Variants in SEMA5B observed in about 807,000 individuals in gnomAD.
SEMA5B encodes the protein semaphorin 5B, also known as semaphorin-5B.
Under a neutral mutation model 135.0 loss-of-function variants are expected in SEMA5B, and 66 were observed. The observed-to-expected ratio is 0.49, with a 90% confidence interval of 0.40 to 0.60. The LOEUF is 0.60. SEMA5B is among the 20% of genes least tolerant of loss of function. The pLI is 0.00. For synonymous variants in SEMA5B, 690 were observed against 639.5 expected (o/e 1.08, Z -1.19); for missense variants, 1,501 against 1,566.3 (o/e 0.96, Z 0.70).
intron 1 of SEMA5B, among the ~76,000 whole-genome samples, chr3:122,966,894 T>TATC (rs1940870308): frequency 6.9e-6 from 1 of 145,440 alleles, no homozygotes; most frequent in Non-Finnish European, 1.5e-5. Context: ...TTATTATTAT[T>TATC]ATTATTAGAG....
chr3:122,978,410 G>A (rs1197310718), intron 1 of SEMA5B, among the ~76,000 whole-genome samples: 2 of 152,218 alleles, frequency 1.3e-5, no homozygotes, highest in Admixed American at 1.3e-4. Flanking sequence ...GACCCGTGCA[G>A]CATCCCAAAC....
intron 1 of SEMA5B, among the ~76,000 whole-genome samples, chr3:123,000,831 C>T (rs989443038): frequency 2.0e-5 from 3 of 152,198 alleles, no homozygotes; most frequent in East Asian, 3.9e-4. Flanking sequence ...TAGGGTACCC[C>T]AGTCACCTGG....
intron 5 of SEMA5B, among the ~76,000 whole-genome samples, chr3:122,930,251 T>G (rs1938898878): frequency 6.6e-6 from 1 of 152,226 alleles, no homozygotes; most frequent in Admixed American, 6.5e-5. Context: ...GCCCTGGTGA[T>G]GGCTGCTTTG....
At chr3:122,965,370 A>G (rs1015747758) in intron 1 of SEMA5B, among the ~76,000 whole-genome samples, 1 of 152,240 alleles carries the variant, frequency 6.6e-6, no homozygotes, top group Non-Finnish European at 1.5e-5. Flanking sequence ...CCCAGGTCTG[A>G]CCAAGGAGAA....
At chr3:123,003,717 C>T (rs1023403508) in intron 1 of SEMA5B, among the ~76,000 whole-genome samples, 28 of 152,168 alleles carry the variant, frequency 1.8e-4, no homozygotes, top group Non-Finnish European at 3.5e-4. Flanking sequence ...GCCTGTAATG[C>T]CAGCCACTCA....
Position 122,939,410 on chromosome 3 carries a change from A to G in SEMA5B, c.474+15T>C. Reference sequence around the variant, plus strand: ...GGGGAAATTATAGGAAGGGAAGGGAAGAAAGCAATCGTACCTGAAGAAGAG... The same window carrying G: ...GGGGAAATTATAGGAAGGGAAGGGAGGAAAGCAATCGTACCTGAAGAAGAG... On this transcript the variant is annotated intron_variant, in intron 5 of 22. Coordinates refer to ENST00000357599, the MANE Select transcript of SEMA5B (RefSeq NM_001031702.4). The G allele has an allele frequency of 6.2e-7, 1 of 1,600,970 alleles. No homozygotes were observed. Among genetic ancestry groups the G allele is most frequent in the Non-Finnish European group, 8.6e-7 (1 of 1,167,980 alleles).
intron 1 of SEMA5B, among the ~76,000 whole-genome samples, chr3:122,998,337 CG>C (rs1942078447): frequency 6.6e-6 from 1 of 151,400 alleles, no homozygotes. Context: ...GCGGAAAGGA[CG>C]GGGCTTTGGG....
intron 1 of SEMA5B, among the ~76,000 whole-genome samples, chr3:123,022,583 A>C (rs993420847): frequency 1.3e-5 from 2 of 152,140 alleles, no homozygotes; most frequent in African/African-American, 4.8e-5. Context: ...CTCAAGGTTA[A>C]ACTCTCCTGA....
chr3:122,935,900 C>T (rs1256462693), intron 5 of SEMA5B, among the ~76,000 whole-genome samples: 2 of 151,652 alleles, frequency 1.3e-5, no homozygotes, highest in Non-Finnish European at 2.9e-5. Flanking sequence ...ACCACGTTGG[C>T]CAGGCTGGTC....
chr3:123,014,321 C>T (rs908756845), intron 1 of SEMA5B, among the ~76,000 whole-genome samples: 1 of 152,188 alleles, frequency 6.6e-6, no homozygotes, highest in African/African-American at 2.4e-5. Context: ...CAGTAGACAG[C>T]GTGTGTTTGG....
At chr3:123,011,611 C>A (rs1402145781) in intron 1 of SEMA5B, among the ~76,000 whole-genome samples, 1 of 152,216 alleles carries the variant, frequency 6.6e-6, no homozygotes, top group African/African-American at 2.4e-5. Flanking sequence ...CACACATGCA[C>A]AGAGCTTGCA....
chr3:122,922,599 C>T (rs1938422289), intron 10 of SEMA5B, 152 bp from the exon 11 acceptor site: 1 of 697,784 alleles, frequency 1.4e-6, no homozygotes, highest in South Asian at 1.8e-5. Context: ...GGGCGTCCTG[C>T]ACCCTTTCCA....
rs146896475 is a variant in SEMA5B at position 122,964,331 on chromosome 3, G to A, written c.-38-3030C>T. Among the ~76,000 whole-genome samples the A allele has an allele frequency of 6.2e-4, 94 of 152,326 alleles. No individual in the cohort carries two copies. The Middle Eastern group carries it at 0.024, about 39-fold the overall frequency. ...GTGACATATGAGCCAAGTATGTGGG[G>A]TGGGGGCAGAGGAGGATGGGAGGAC... On this transcript the variant is annotated intron_variant, in intron 1 of 22. Coordinates refer to ENST00000357599, the MANE Select transcript of SEMA5B (RefSeq NM_001031702.4).
At chr3:122,990,248 C>T (rs1440795414) in intron 1 of SEMA5B, among the ~76,000 whole-genome samples, 5 of 152,238 alleles carry the variant, frequency 3.3e-5, no homozygotes, top group African/African-American at 1.2e-4. Flanking sequence ...GGGATCCTGC[C>T]CTCCACCTTT....
chr3:122,978,381 C>T (rs979860634), intron 1 of SEMA5B, among the ~76,000 whole-genome samples: 8 of 152,184 alleles, frequency 5.3e-5, no homozygotes, highest in East Asian at 1.9e-4. Context: ...GCTGGGGAGG[C>T]GGGGCGTAGG....
In SEMA5B at chr3:122,929,049, A is replaced by G; in HGVS notation, c.484T>C (p.Trp162Arg). ...CGGCGCGTGTCCTCACTGGAGGCCC[A>G]CTCTGTGGCCTGGGGGAGGAACATA... Reference protein sequence around the residue: ...ANVSLLQATEWASSEDTRRSC... With the variant: ...ANVSLLQATERASSEDTRRSC... Residue 162 changes from tryptophan (W) to arginine (R), a missense_variant, in exon 6 of 23, where the codon TGG becomes CGG. Physicochemically the swap from Trp to Arg is moderately radical, Grantham distance 101 (BLOSUM62 -3). This residue lies in a region of SEMA5B where 574 missense variants were observed against 684.7 expected (regional missense o/e 0.84). Coordinates refer to ENST00000357599, the MANE Select transcript of SEMA5B (RefSeq NM_001031702.4). The G allele has an allele frequency of 6.2e-7, 1 of 1,611,582 alleles. No individual in the cohort carries two copies. Among genetic ancestry groups the G allele is most frequent in the Non-Finnish European group, 8.5e-7 (1 of 1,179,876 alleles).
chr3:123,000,023 C>A (rs145873935), intron 1 of SEMA5B, among the ~76,000 whole-genome samples: 13 of 152,218 alleles, frequency 8.5e-5, no homozygotes, highest in East Asian at 5.8e-4. Context: ...TCCTGGCTAA[C>A]GTGGTGAAAC....
At position 122,968,561 on chromosome 3, in the gene SEMA5B, G is replaced by A. The variant is rs140757768; in HGVS notation, c.-38-7260C>T. On this transcript the variant is annotated intron_variant, in intron 1 of 22. Coordinates refer to ENST00000357599, the MANE Select transcript of SEMA5B (RefSeq NM_001031702.4). ...CTATATGTATCCTACTCCAACGCCCGCCCCAACACTACTGGAAATACATTT... is the reference window on the plus strand; with the variant it reads ...CTATATGTATCCTACTCCAACGCCCACCCCAACACTACTGGAAATACATTT... 1.2e-3 allele frequency among the ~76,000 whole-genome samples: 179 copies of A among 152,154 alleles called. 1 individual carries two copies. Among genetic ancestry groups the A allele is most frequent in the African/African-American group, 4.0e-3 (165 of 41,522 alleles).
chr3:122,976,122 A>C, intron 1 of SEMA5B: 1 of 1,535,366 alleles, frequency 6.5e-7, no homozygotes, highest in Non-Finnish European at 8.7e-7. Context: ...CAGATGCAGC[A>C]TGTGGTTTAT....
Sources: allele counts gnomAD v4.1 joint callset (sites outside exome capture counted in the v4.1 genomes callset), GRCh38; gene constraint gnomAD v4.1.1; regional missense constraint gnomAD v4.1.1; transcripts MANE v1.5; gene names NCBI Gene and HGNC (gene_info 2026-07-23, HGNC 2026-07-21).